Variants in SEMA3A observed in about 807,000 individuals in gnomAD.
SEMA3A encodes the protein semaphorin-3A.
In SEMA3A, 29 loss-of-function variants were observed where a neutral mutation model predicts 97.9. The observed-to-expected ratio is 0.30, with a 90% CI of 0.22 to 0.40. The LOEUF (loss-of-function observed/expected upper bound fraction) is 0.40. SEMA3A is among the 10% of genes least tolerant of loss of function. The probability of loss-of-function intolerance (pLI) is 1.00; values close to 1 mark genes in which losing one functional copy is unlikely to be tolerated. For synonymous variants in SEMA3A, 321 were observed against 323.7 expected (o/e 0.99, Z 0.09); for missense variants, 763 against 951.3 (o/e 0.80, Z 2.60).
At chr7:84,248,900 C>G (rs569000926) in intron 3 of SEMA3A, among the ~76,000 whole-genome samples, 341 of 152,274 alleles carry the variant, frequency 2.2e-3, no homozygotes, top group Non-Finnish European at 3.9e-3. Flanking sequence ...TACTGCTCCT[C>G]AGAGACTGCA....
intron 1 of SEMA3A, among the ~76,000 whole-genome samples, chr7:84,186,788 G>T (rs1009282262): frequency 6.6e-6 from 1 of 151,008 alleles, no homozygotes; most frequent in African/African-American, 2.4e-5. Context: ...AACGAACATT[G>T]TAAGTTCATT....
At chr7:83,961,917 G>A in intron 16 of SEMA3A, 91 bp from the exon 17 acceptor site, 3 of 925,652 alleles carry the variant, frequency 3.2e-6, no homozygotes, top group Non-Finnish European at 3.2e-6. Context: ...TTTAGATTAT[G>A]TGTTGAGGCA....
intron 6 of SEMA3A, among the ~76,000 whole-genome samples, chr7:84,028,097 T>C (rs1386686717): frequency 6.6e-6 from 1 of 152,102 alleles, no homozygotes; most frequent in Non-Finnish European, 1.5e-5. Flanking sequence ...AGAAAGATGA[T>C]TGATGAATGG....
intron 1 of SEMA3A, among the ~76,000 whole-genome samples, chr7:84,466,128 CCAACTA>C (rs1445031224): frequency 1.3e-5 from 2 of 151,534 alleles, no homozygotes; most frequent in African/African-American, 4.9e-5. Context: ...GTTTTTGTCT[CCAACTA>C]CTTTTCTTTT....
intron 9 of SEMA3A, among the ~76,000 whole-genome samples, chr7:84,007,983 AAT>A (rs1205853629): frequency 1.3e-5 from 2 of 152,184 alleles, no homozygotes; most frequent in African/African-American, 4.8e-5. Context: ...ATTATTTTTA[AAT>A]TCCCAAAAGT....
At chr7:84,065,471 G>C (rs1046786267) in intron 4 of SEMA3A, among the ~76,000 whole-genome samples, 4 of 151,426 alleles carry the variant, frequency 2.6e-5, no homozygotes, top group African/African-American at 9.7e-5. Context: ...AAAAATTAAT[G>C]AATCCAGGAG....
intron 14 of SEMA3A, among the ~76,000 whole-genome samples, chr7:83,979,521 A>G (rs1789307715): frequency 6.6e-6 from 1 of 152,200 alleles, no homozygotes; most frequent in Middle Eastern, 3.2e-3. Flanking sequence ...ATTTAATGTT[A>G]CTGCTGTAAA....
At chr7:84,108,125 C>A (rs998984618) in intron 4 of SEMA3A, among the ~76,000 whole-genome samples, 2 of 152,042 alleles carry the variant, frequency 1.3e-5, no homozygotes, top group African/African-American at 4.8e-5. Context: ...TTTTCAGCCA[C>A]CATTATCCAT....
chr7:84,434,781 T>C (rs1039052397), intron 1 of SEMA3A, among the ~76,000 whole-genome samples: 1 of 152,018 alleles, frequency 6.6e-6, no homozygotes, highest in Non-Finnish European at 1.5e-5. Context: ...TCTCAATAAA[T>C]ACAGAAAAGC....
chr7:84,360,631 T>C (rs188178969), intron 2 of SEMA3A, among the ~76,000 whole-genome samples: 3 of 152,234 alleles, frequency 2.0e-5, no homozygotes, highest in Non-Finnish European at 2.9e-5. Flanking sequence ...ACCCAAAGCC[T>C]TGTAGCATGT....
At chr7:84,091,179 A>G (rs199626103) in intron 4 of SEMA3A, among the ~76,000 whole-genome samples, 3,596 of 65,880 alleles carry the variant, frequency 0.055, 275 homozygotes, top group African/African-American at 0.15. Flanking sequence ...AAAGAAAGAA[A>G]GAAAGAAAGA....
At chr7:84,450,306 T>C (rs1805524110) in intron 1 of SEMA3A, among the ~76,000 whole-genome samples, 1 of 152,160 alleles carries the variant, frequency 6.6e-6, no homozygotes. Context: ...TGGTCTTGGA[T>C]GACCAAGCTC....
intron 3 of SEMA3A, among the ~76,000 whole-genome samples, chr7:84,115,278 A>G (rs541026639): frequency 4.2e-4 from 64 of 152,212 alleles, no homozygotes; most frequent in African/African-American, 1.5e-3. Flanking sequence ...GACTCTCTGT[A>G]CAAGGCTCCC....
chr7:84,442,051 T>A (rs948841053), intron 1 of SEMA3A, among the ~76,000 whole-genome samples: 2 of 152,084 alleles, frequency 1.3e-5, no homozygotes, highest in Non-Finnish European at 2.9e-5. Context: ...CAAAGACATA[T>A]GAAGAAAGAG....
At chr7:84,132,872 A>C (rs1238410067) in intron 2 of SEMA3A, among the ~76,000 whole-genome samples, 1 of 151,656 alleles carries the variant, frequency 6.6e-6, no homozygotes, top group African/African-American at 2.4e-5. Flanking sequence ...GACAGGTTTC[A>C]CCATGTTGGC....
intron 1 of SEMA3A, among the ~76,000 whole-genome samples, chr7:84,467,439 T>C (rs2116401682): frequency 6.6e-6 from 1 of 150,738 alleles, no homozygotes; most frequent in Non-Finnish European, 1.5e-5. Flanking sequence ...GGAGAATTGC[T>C]TGAACCTGGG....
At chr7:84,046,513 A>C in intron 5 of SEMA3A, 70 bp from the exon 6 acceptor site, 1 of 1,564,400 alleles carries the variant, frequency 6.4e-7, no homozygotes, top group Non-Finnish European at 8.8e-7. Context: ...AAACAAAACA[A>C]ACAAAATGCA....
At chr7:84,014,744 T>C (rs1791027846) in intron 6 of SEMA3A, among the ~76,000 whole-genome samples, 1 of 152,132 alleles carries the variant, frequency 6.6e-6, no homozygotes, top group African/African-American at 2.4e-5. Context: ...TATTAATTGG[T>C]CTATTTCAGT....
At chr7:84,012,320 G>A (rs1057285168) in intron 7 of SEMA3A, among the ~76,000 whole-genome samples, 1 of 152,106 alleles carries the variant, frequency 6.6e-6, no homozygotes, top group African/African-American at 2.4e-5. Context: ...GTTGCACACA[G>A]TAAATATATA....
Sources: gnomAD v4.1 joint callset for allele counts (sites outside exome capture counted in the v4.1 genomes callset) on GRCh38, gnomAD v4.1.1 for gene constraint, MANE v1.5 for transcripts, NCBI Gene and HGNC (gene_info 2026-07-23, HGNC 2026-07-21) for gene names.